Variants in SH3PXD2B observed in about 807,000 individuals in gnomAD.
SH3PXD2B encodes SH3 and PX domains 2B.
A neutral mutation model predicts 73.1 loss-of-function variants in SH3PXD2B; 37 were observed. That is an observed-to-expected ratio of 0.51 (90% CI 0.39 to 0.67). The LOEUF (loss-of-function observed/expected upper bound fraction) is 0.67. Ranked by LOEUF, SH3PXD2B falls within the 30% of genes least tolerant of loss-of-function variation. The probability of loss-of-function intolerance (pLI) is 0.00; values close to 1 mark genes in which losing one functional copy is unlikely to be tolerated. For synonymous variants in SH3PXD2B, 457 were observed against 480.5 expected (o/e 0.95, Z 0.64); for missense variants, 1,053 against 1,197.8 (o/e 0.88, Z 1.78).
chr5:172,422,586 G>T, intron 1 of SH3PXD2B, 90 bp from the exon 2 acceptor site: 2 of 1,258,326 alleles, frequency 1.6e-6, no homozygotes, highest in Non-Finnish European at 2.3e-6. Context: ...CTCAGAGTCA[G>T]AAAGACGTGG....
intron 1 of SH3PXD2B, among the ~76,000 whole-genome samples, chr5:172,451,122 G>C (rs1357167037): frequency 6.6e-6 from 1 of 152,228 alleles, no homozygotes; most frequent in South Asian, 2.1e-4. Flanking sequence ...TCTGATCATG[G>C]AGAAGGCACC....
chr5:172,441,812 C>T (rs896451533), intron 1 of SH3PXD2B, among the ~76,000 whole-genome samples: 1 of 152,036 alleles, frequency 6.6e-6, no homozygotes. Context: ...ACCCTGGGGA[C>T]AGCCACCTTT....
At chr5:172,441,354 A>T (rs1167237091) in intron 1 of SH3PXD2B, among the ~76,000 whole-genome samples, 1 of 152,212 alleles carries the variant, frequency 6.6e-6, no homozygotes, top group Non-Finnish European at 1.5e-5. Flanking sequence ...TGACACACTG[A>T]CTGCTCGGCC....
chr5:172,345,093 A>AGAAGGAGGGAAGGAAGAAGGGAAG (rs1433103687), intron 12 of SH3PXD2B, among the ~76,000 whole-genome samples: 13 of 146,342 alleles, frequency 8.9e-5, no homozygotes, highest in African/African-American at 3.2e-4. Context: ...AGGGAAGGAA[A>AGAAGGAGGGAAGGAAGAAGGGAAG]GAAGGAGGGA....
intron 1 of SH3PXD2B, among the ~76,000 whole-genome samples, chr5:172,453,840 G>A (rs1759859375): frequency 6.6e-6 from 1 of 152,200 alleles, no homozygotes; most frequent in Non-Finnish European, 1.5e-5. Flanking sequence ...GGCTACCTGT[G>A]GCTGGGGACT....
At chr5:172,410,537 C>T (rs936326972) in intron 2 of SH3PXD2B, among the ~76,000 whole-genome samples, 9 of 152,016 alleles carry the variant, frequency 5.9e-5, no homozygotes, top group Non-Finnish European at 2.9e-5. Context: ...TTGTGAGTGG[C>T]GAGGACAAGG....
chr5:172,433,418 T>C (rs1311441247), intron 1 of SH3PXD2B, among the ~76,000 whole-genome samples: 5 of 152,246 alleles, frequency 3.3e-5, no homozygotes, highest in African/African-American at 4.8e-5. Flanking sequence ...AATTCTGTTC[T>C]TGATGCTTGT....
Position 172,333,863 on chromosome 5 carries a change from C to T in SH3PXD2B, c.*4506G>A. On this transcript the variant is annotated 3_prime_UTR_variant, in exon 13 of 13. Coordinates refer to ENST00000311601, the MANE Select transcript of SH3PXD2B (RefSeq NM_001017995.3). ...AGGTGGCCACAGTTTATCATCACCCCTCTAAGTGAAAGGGGCGCTAACAAT... is the reference window on the plus strand; with the variant it reads ...AGGTGGCCACAGTTTATCATCACCCTTCTAAGTGAAAGGGGCGCTAACAAT... The T allele has an allele frequency of 1.6e-6, 2 of 1,280,426 alleles. No individual in the cohort carries two copies. The highest frequency in any genetic ancestry group is 1.3e-5 in the South Asian group (1 of 79,144). 79.3% of individuals were successfully genotyped at this position (1,280,426 alleles called of 1,614,324 possible). A position where few individuals can be genotyped will look rare whatever the true frequency, so the allele number is the denominator to read the frequency against.
chr5:172,356,997 T>C (rs987667431), intron 8 of SH3PXD2B, among the ~76,000 whole-genome samples: 1 of 150,964 alleles, frequency 6.6e-6, no homozygotes, highest in African/African-American at 2.4e-5. Context: ...ATTCCTAGCA[T>C]GATTATAAAG....
chr5:172,380,935 G>T (rs530024966), intron 5 of SH3PXD2B, among the ~76,000 whole-genome samples: 1 of 152,306 alleles, frequency 6.6e-6, no homozygotes, highest in South Asian at 2.1e-4. Context: ...TGGTGTACTC[G>T]GAAGTCTGTG....
At chr5:172,347,255 C>G in intron 11 of SH3PXD2B, 28 bp downstream of exon 11, 2 of 1,613,610 alleles carry the variant, frequency 1.2e-6, no homozygotes, top group Non-Finnish European at 1.7e-6. Flanking sequence ...AGTCAGTGGC[C>G]ACTCCCCAGT....
At chr5:172,342,605 C>T (rs906625803) in intron 12 of SH3PXD2B, among the ~76,000 whole-genome samples, 8 of 152,122 alleles carry the variant, frequency 5.3e-5, no homozygotes, top group African/African-American at 1.9e-4. Context: ...ACGAAAAATA[C>T]AAAAAATTAG....
chr5:172,334,310 G>GC lies in SH3PXD2B; in HGVS notation c.*4058dup. The GC allele has an allele frequency of 1.0e-6, 1 of 996,908 alleles. No homozygotes were observed. Among genetic ancestry groups the GC allele is most frequent in the Non-Finnish European group, 1.2e-6 (1 of 838,764 alleles). 61.8% of individuals were successfully genotyped at this position (996,908 alleles called of 1,614,324 possible). ...CCTCCGGTTCCAGCTCTGCAGCTCTGCCTGGGACCCTCGTGGAAACTTACT... is the reference window on the plus strand; with the variant it reads ...CCTCCGGTTCCAGCTCTGCAGCTCTGCCCTGGGACCCTCGTGGAAACTTACT... On this transcript the variant is annotated 3_prime_UTR_variant, in exon 13 of 13. Transcript: ENST00000311601.
At chr5:172,388,680 T>C (rs1758107058) in intron 4 of SH3PXD2B, among the ~76,000 whole-genome samples, 1 of 152,244 alleles carries the variant, frequency 6.6e-6, no homozygotes, top group South Asian at 2.1e-4. Flanking sequence ...AAGGAAAGTC[T>C]GACTCTGGAG....
At chr5:172,348,667 C>G (rs868417543) in intron 10 of SH3PXD2B, among the ~76,000 whole-genome samples, 408 of 26,318 alleles carry the variant, frequency 0.016, 6 homozygotes, top group African/African-American at 0.014. Context: ...ATCTATCTAT[C>G]TATCTATCTA....
In SH3PXD2B at chr5:172,350,561, C is replaced by T. The variant is rs201224113; in HGVS notation, c.814G>A (p.Ala272Thr). Residue 272 changes from alanine (A) to threonine (T), a missense_variant, in exon 10 of 13, where the codon GCC (alanine) becomes ACC (threonine). This residue lies in a region of SH3PXD2B where 466 missense variants were observed against 607.1 expected (regional missense o/e 0.77). Coordinates refer to ENST00000311601, the MANE Select transcript of SH3PXD2B (RefSeq NM_001017995.3). Reference protein sequence around the residue: ...RYQGKEGWAPASYLKKNSGEP... With the variant: ...RYQGKEGWAPTSYLKKNSGEP... ...CCACTGTTCTTCTTTAGGTAGGAGG[C>T]GGGGGCCCAGCCTTCTTTGCCCTGG... The T allele has an allele frequency of 4.6e-4, 741 of 1,612,090 alleles. 3 individuals are homozygous for T. The highest frequency in any genetic ancestry group is 7.1e-4 in the East Asian group (32 of 44,806).
At chr5:172,451,991 C>T (rs1759806796) in intron 1 of SH3PXD2B, among the ~76,000 whole-genome samples, 1 of 152,222 alleles carries the variant, frequency 6.6e-6, no homozygotes, top group South Asian at 2.1e-4. Flanking sequence ...AAGCCACATG[C>T]AGAAAAACAA....
At position 172,340,154 on chromosome 5, in the gene SH3PXD2B, C is replaced by A. The variant is rs73319703; in HGVS notation, c.1189-238G>T. ...CCCTAAAGCAGTCCATGAGATGTGG[C>A]CTTGGGTATAGGTACTTAATTTGAG... On this transcript the variant is annotated intron_variant, in intron 12 of 12. Transcript: ENST00000311601. Among the ~76,000 whole-genome samples, 1,394 of 152,200 alleles carry A rather than the reference C, an allele frequency of 9.2e-3. 22 individuals carry two copies. Among genetic ancestry groups the A allele is most frequent in the African/African-American group, 0.032 (1,314 of 41,496 alleles).
Position 172,339,700 on chromosome 5 carries a change from G to C in SH3PXD2B, c.1405C>G (p.Pro469Ala). ...ACACCATGCGGTGCGTCAGGCAGGG[G>C]CCGGGAGGGGCCCGTGGCTTCGCTG... Reference protein sequence around the residue: ...TGSEATGPSRPLPDAPHGVMD... With the variant: ...TGSEATGPSRALPDAPHGVMD... Residue 469 changes from proline to alanine, a missense_variant, in exon 13 of 13, where the codon CCC becomes GCC. Coordinates refer to ENST00000311601, the MANE Select transcript of SH3PXD2B (RefSeq NM_001017995.3). The surrounding 1 kb of genome is among the most constrained non-coding windows in gnomAD (Gnocchi z 6.1). 1 of 1,614,244 alleles carries C rather than the reference G, an allele frequency of 6.2e-7. No homozygotes were observed. The highest frequency in any genetic ancestry group is 8.5e-7 in the Non-Finnish European group (1 of 1,180,046).
Sources: gnomAD v4.1 joint callset for allele counts (sites outside exome capture counted in the v4.1 genomes callset) on GRCh38, gnomAD v4.1.1 for gene constraint, gnomAD v4.1.1 regional missense constraint, Gnocchi (gnomAD v3.1) non-coding constraint, MANE v1.5 for transcripts, NCBI Gene and HGNC (gene_info 2026-07-23, HGNC 2026-07-21) for gene names.